PARD3B: variants seen among roughly 807,000 people sequenced by gnomAD.
The protein encoded by PARD3B is partitioning defective 3 homolog B.
In PARD3B, 103 loss-of-function variants were observed where a neutral mutation model predicts 130.2. The observed-to-expected ratio is 0.79, with a 90% CI of 0.67 to 0.93. The LOEUF (loss-of-function observed/expected upper bound fraction) is 0.93, where lower values mean the gene tolerates loss of function less well. Among genes scored for constraint, PARD3B ranks in the 40% least tolerant of loss-of-function variants. The pLI, the probability that PARD3B is intolerant of heterozygous loss-of-function variation, is 0.00. For synonymous variants in PARD3B, 583 were observed against 553.2 expected, an observed-to-expected ratio of 1.05 and a Z score of -0.76; for missense variants, 1,609 against 1,499.2, an observed-to-expected ratio of 1.07 and a Z score of -1.21.
chr2:204,820,618 C>G (rs1219581047), intron 2 of PARD3B, among the ~76,000 whole-genome samples: 1 of 151,792 alleles, frequency 6.6e-6, no homozygotes, highest in African/African-American at 2.4e-5. Context: ...AGTTCAAGAC[C>G]AGCCTGGCCA....
chr2:205,246,830 A>AT (rs889893371), intron 16 of PARD3B, among the ~76,000 whole-genome samples: 30 of 151,492 alleles, frequency 2.0e-4, no homozygotes, highest in Admixed American at 4.6e-4. Context: ...CAACTCTTAG[A>AT]TTTTTTTTTC....
At chr2:205,228,716 C>T (rs1188691144) in intron 15 of PARD3B, among the ~76,000 whole-genome samples, 1 of 152,128 alleles carries the variant, frequency 6.6e-6, no homozygotes, top group Non-Finnish European at 1.5e-5. Context: ...CTCTCTCTGC[C>T]TCCTCTTTAA....
intron 1 of PARD3B, among the ~76,000 whole-genome samples, chr2:204,659,301 T>G (rs542730115): frequency 4.6e-5 from 7 of 152,206 alleles, no homozygotes; most frequent in African/African-American, 1.7e-4. Flanking sequence ...AAGTAATTTC[T>G]TTCTGTATTC....
At chr2:204,759,595 G>A (rs909075633) in intron 2 of PARD3B, among the ~76,000 whole-genome samples, 2 of 151,902 alleles carry the variant, frequency 1.3e-5, no homozygotes, top group African/African-American at 2.4e-5. Flanking sequence ...ATGTTCCTCT[G>A]TTGTTAACAT....
intron 2 of PARD3B, among the ~76,000 whole-genome samples, chr2:204,722,859 GCT>G (rs1388303374): frequency 6.6e-6 from 1 of 151,920 alleles, no homozygotes; most frequent in East Asian, 1.9e-4. Flanking sequence ...ATGCTGTCTG[GCT>G]CTCACTTCCA....
chr2:205,315,478 C>T (rs762992530), intron 18 of PARD3B, among the ~76,000 whole-genome samples: 3 of 152,150 alleles, frequency 2.0e-5, no homozygotes, highest in Non-Finnish European at 4.4e-5. Context: ...GGATCATCTA[C>T]AGAGCTTGTT....
chr2:205,301,465 CG>C lies in PARD3B; in HGVS notation c.2396del (p.Gly799ValfsTer14), dbSNP rs748686415. On this transcript the variant is annotated frameshift_variant and splice_region_variant, in exon 18 of 23. Coordinates refer to ENST00000406610, the MANE Select transcript of PARD3B (RefSeq NM_001302769.2). LOFTEE classifies it high-confidence loss of function. This position sits in a 1 kb window ranked among gnomAD's most constrained non-coding sequence, Gnocchi z 5.2. ...YDGPEEIEAD[G>X]LSDKSSHSGQ... ...ATTGATTATTTTTTCTCTGTACAGACGGTCTGTCTGATAAGAGCTCTCACTC... is the reference window on the plus strand; with the variant it reads ...ATTGATTATTTTTTCTCTGTACAGACGTCTGTCTGATAAGAGCTCTCACTC... The C allele has an allele frequency of 2.5e-6, 4 of 1,609,450 alleles. No homozygotes were observed. Among genetic ancestry groups the C allele is most frequent in the Non-Finnish European group, 3.4e-6 (4 of 1,178,592 alleles).
intron 2 of PARD3B, among the ~76,000 whole-genome samples, chr2:204,740,180 CT>C (rs547815624): frequency 0.032 from 4,506 of 142,454 alleles, 176 homozygotes; most frequent in African/African-American, 0.1. Flanking sequence ...CCTGGCTAAT[CT>C]TTTTTTTTTT....
rs1267598235 is a variant in PARD3B at position 205,341,059 on chromosome 2, G to A, written c.2630+39358G>A. 6.6e-6 allele frequency among the ~76,000 whole-genome samples: 1 copy of A among 151,856 alleles called. No homozygotes were observed. Among genetic ancestry groups the A allele is most frequent in the Non-Finnish European group, 1.5e-5 (1 of 67,924 alleles). Reference sequence around the variant, plus strand: ...ACCACAGTGAGATTTCATCTTATCCGAGTTTGAATGGCTATGATCAAAAAA... The same window carrying A: ...ACCACAGTGAGATTTCATCTTATCCAAGTTTGAATGGCTATGATCAAAAAA... On this transcript the variant is annotated intron_variant, in intron 18 of 22. Transcript: ENST00000406610. The surrounding 1 kb of genome is among the most constrained non-coding windows in gnomAD (Gnocchi z 4.3).
intron 15 of PARD3B, among the ~76,000 whole-genome samples, chr2:205,217,635 T>C (rs1046414026): frequency 6.6e-6 from 1 of 151,768 alleles, no homozygotes; most frequent in Admixed American, 6.6e-5. Flanking sequence ...GAGAAAAATA[T>C]AACAACAAAT....
At chr2:204,611,118 A>T (rs2033906101) in intron 1 of PARD3B, among the ~76,000 whole-genome samples, 1 of 152,154 alleles carries the variant, frequency 6.6e-6, no homozygotes, top group South Asian at 2.1e-4. Flanking sequence ...CAAAATTCTT[A>T]TTCTGATCTC....
chr2:205,023,963 G>A (rs1696825269), intron 3 of PARD3B, among the ~76,000 whole-genome samples: 2 of 152,010 alleles, frequency 1.3e-5, no homozygotes, highest in African/African-American at 4.8e-5. Flanking sequence ...TACTAGGTGT[G>A]TGGTGAGGAG....
At chr2:204,988,011 AAG>A (rs1226602335) in intron 3 of PARD3B, among the ~76,000 whole-genome samples, 30 of 151,062 alleles carry the variant, frequency 2.0e-4, no homozygotes, top group Admixed American at 2.6e-4. Flanking sequence ...AATATGGCAA[AAG>A]AGAGAGAGAG....
chr2:205,320,259 G>GGAAA (rs1161066161), intron 18 of PARD3B, among the ~76,000 whole-genome samples: 4 of 141,464 alleles, frequency 2.8e-5, no homozygotes, highest in African/African-American at 1.2e-4. Context: ...AAGGAAGGAA[G>GGAAA]GAAAGAAGGA....
chr2:204,719,203 G>T (rs1221515599), intron 2 of PARD3B, among the ~76,000 whole-genome samples: 1 of 152,170 alleles, frequency 6.6e-6, no homozygotes, highest in Non-Finnish European at 1.5e-5. Context: ...ACATCTTGTG[G>T]ATTACTTTAA....
At chr2:205,173,559 G>A (rs2035296433) in intron 12 of PARD3B, among the ~76,000 whole-genome samples, 1 of 152,154 alleles carries the variant, frequency 6.6e-6, no homozygotes, top group Admixed American at 6.5e-5. Context: ...GTAAACTTGA[G>A]TAGTAAAGTT....
At chr2:205,556,312 C>G (rs1180080755) in intron 22 of PARD3B, among the ~76,000 whole-genome samples, 1 of 152,148 alleles carries the variant, frequency 6.6e-6, no homozygotes, top group Non-Finnish European at 1.5e-5. Flanking sequence ...TTTTTAGGAA[C>G]AATTCAATAA....
Position 205,446,143 on chromosome 2 carries a change from A to G in PARD3B, c.3044+5471A>G, listed in dbSNP as rs1484015697. ...GTGTTAGGGGGACTGAAAGACTCTC[A>G]GTAAAATAGAAACCTGGTGGGAGGG... On this transcript the variant is annotated intron_variant, in intron 20 of 22. Transcript: ENST00000406610. This position sits in a 1 kb window ranked among gnomAD's most constrained non-coding sequence, Gnocchi z 4.4. 6.6e-6 allele frequency among the ~76,000 whole-genome samples: 1 copy of G among 152,158 alleles called. No individual in the cohort carries two copies. The highest frequency in any genetic ancestry group is 1.5e-5 in the Non-Finnish European group (1 of 68,020).
At chr2:204,739,881 GCTTT>G (rs1341460994) in intron 2 of PARD3B, among the ~76,000 whole-genome samples, 3 of 151,344 alleles carry the variant, frequency 2.0e-5, no homozygotes, top group Non-Finnish European at 1.5e-5. Context: ...AAGCTTCTCA[GCTTT>G]ATTTTGTAAT....
Sources: allele counts gnomAD v4.1 joint callset (sites outside exome capture counted in the v4.1 genomes callset), GRCh38; gene constraint gnomAD v4.1.1; non-coding constraint Gnocchi (gnomAD v3.1); transcripts MANE v1.5; gene names NCBI Gene and HGNC (gene_info 2026-07-23, HGNC 2026-07-21).